The following TRHDE variants were observed in gnomAD, a reference collection of about 807,000 sequenced individuals.
TRHDE encodes the protein thyrotropin releasing hormone degrading enzyme.
TRHDE carries 72 observed loss-of-function variants against 125.7 expected under a neutral mutation model. That is an observed-to-expected ratio of 0.57 (90% CI 0.47 to 0.70). TRHDE has a LOEUF of 0.70. TRHDE is among the 30% of genes least tolerant of loss of function. The probability of loss-of-function intolerance (pLI) is 0.00; values close to 1 mark genes in which losing one functional copy is unlikely to be tolerated. For synonymous variants in TRHDE, 509 were observed against 509.1 expected, an observed-to-expected ratio of 1.00 and a Z score of 0.00; for missense variants, 1,110 against 1,327.1, an observed-to-expected ratio of 0.84 and a Z score of 2.54.
At chr12:72,379,258 T>A (rs1017790177) in intron 3 of TRHDE, among the ~76,000 whole-genome samples, 1 of 152,240 alleles carries the variant, frequency 6.6e-6, no homozygotes, top group Non-Finnish European at 1.5e-5. Context: ...GGGTGTGACA[T>A]ACAATTTTTA....
intron 10 of TRHDE, among the ~76,000 whole-genome samples, chr12:72,574,997 A>G (rs751071576): frequency 6.6e-6 from 1 of 152,148 alleles, no homozygotes; most frequent in Admixed American, 6.6e-5. Context: ...AAAATTATGT[A>G]TAAGTAATGG....
At chr12:72,308,979 CTTTGAG>C (rs146285807) in intron 2 of TRHDE, among the ~76,000 whole-genome samples, 1,821 of 152,080 alleles carry the variant, frequency 0.012, 15 homozygotes, top group Non-Finnish European at 0.017. Context: ...ACTCTTGTCA[CTTTGAG>C]TTTATTTTTT....
chr12:72,530,118 C>T (rs562767672), intron 6 of TRHDE, among the ~76,000 whole-genome samples: 6 of 152,230 alleles, frequency 3.9e-5, no homozygotes, highest in Admixed American at 3.3e-4. Flanking sequence ...ATTCTTCCCT[C>T]TGTAGAATGT....
intron 2 of TRHDE, among the ~76,000 whole-genome samples, chr12:72,315,876 C>T (rs1868776915): frequency 6.6e-6 from 1 of 152,164 alleles, no homozygotes; most frequent in Admixed American, 6.5e-5. Flanking sequence ...ATTGTGTGGC[C>T]TTGGAATTAT....
intron 15 of TRHDE, among the ~76,000 whole-genome samples, chr12:72,627,651 A>G (rs931895731): frequency 2.6e-5 from 4 of 151,914 alleles, no homozygotes; most frequent in African/African-American, 9.7e-5. Flanking sequence ...ACCAGTCTAC[A>G]TATGGGTAAT....
chr12:72,463,293 G>A (rs207473058), intron 3 of TRHDE, among the ~76,000 whole-genome samples: 1 of 152,086 alleles, frequency 6.6e-6, no homozygotes, highest in Non-Finnish European at 1.5e-5. Flanking sequence ...TTTTCCCTCA[G>A]GATTAAGGTT....
At chr12:72,591,876 G>C (rs1043972630) in intron 12 of TRHDE, among the ~76,000 whole-genome samples, 2 of 151,124 alleles carry the variant, frequency 1.3e-5, no homozygotes, top group African/African-American at 4.9e-5. Flanking sequence ...CATTATTTCT[G>C]TATGCAATTG....
At chr12:72,433,126 T>C (rs934474737) in intron 3 of TRHDE, among the ~76,000 whole-genome samples, 2 of 152,200 alleles carry the variant, frequency 1.3e-5, no homozygotes, top group African/African-American at 4.8e-5. Flanking sequence ...TTTAAAGCAA[T>C]CTTTCCTTAC....
At chr12:72,146,636 G>A (rs1876233275) in intron 2 of TRHDE, among the ~76,000 whole-genome samples, 1 of 152,172 alleles carries the variant, frequency 6.6e-6, no homozygotes, top group African/African-American at 2.4e-5. Flanking sequence ...CAGGTGCAGA[G>A]GCCTCGGCAA....
intron 2 of TRHDE, among the ~76,000 whole-genome samples, chr12:72,368,050 A>G (rs904355063): frequency 6.6e-6 from 1 of 152,198 alleles, no homozygotes; most frequent in Non-Finnish European, 1.5e-5. Flanking sequence ...TGGTATAACT[A>G]TACACTGTTT....
chr12:72,408,939 A>G (rs1261640279), intron 3 of TRHDE, among the ~76,000 whole-genome samples: 1 of 152,174 alleles, frequency 6.6e-6, no homozygotes. Context: ...GAGTTCCAGA[A>G]GAGGAGGATA....
At chr12:72,636,799 A>G (rs2136093411) in intron 15 of TRHDE, among the ~76,000 whole-genome samples, 1 of 152,292 alleles carries the variant, frequency 6.6e-6, no homozygotes, top group Admixed American at 6.5e-5. Flanking sequence ...TATATGCTGG[A>G]TTACATTTAT....
At chr12:72,621,321 C>A in intron 14 of TRHDE, 116 bp downstream of exon 14, 1 of 730,446 alleles carries the variant, frequency 1.4e-6, no homozygotes, top group Non-Finnish European at 2.3e-6. Flanking sequence ...CTTCATCTTA[C>A]ATTTCACTTT....
At chr12:72,472,716 G>C (rs1376241396) in intron 4 of TRHDE, among the ~76,000 whole-genome samples, 1 of 152,010 alleles carries the variant, frequency 6.6e-6, no homozygotes, top group Non-Finnish European at 1.5e-5. Context: ...TCCCTTGTAG[G>C]GTCACAAGAA....
chr12:72,273,377 T>C lies in TRHDE; in HGVS notation c.734T>C (p.Phe245Ser). 1 of 1,614,134 alleles carries C rather than the reference T, an allele frequency of 6.2e-7. No individual in the cohort carries two copies. Among genetic ancestry groups the C allele is most frequent in the Non-Finnish European group, 8.5e-7 (1 of 1,180,022 alleles). The change falls in exon 1 of 19, where the codon TTC becomes TCC. Residue 245 changes from phenylalanine (F) to serine (S), a missense_variant. Physicochemically the swap from Phe to Ser is radical, Grantham distance 155. Around this residue, in one of 5 missense-constraint regions of TRHDE, gnomAD observed 72 missense variants for 122.2 expected, o/e 0.59. Coordinates refer to ENST00000261180, the MANE Select transcript of TRHDE (RefSeq NM_013381.3). This position sits in a 1 kb window ranked among gnomAD's most constrained non-coding sequence, Gnocchi z 5.3. ...GTGCAGCTGGCCGAGGACCGGGCGT[T>C]CGGGGCTGTCCCTGTAGCCGGTTTT... Reference protein sequence around the residue: ...EKVQLAEDRAFGAVPVAGFFL... With the variant: ...EKVQLAEDRASGAVPVAGFFL...
At chr12:72,170,881 G>T (rs1235084802) in intron 2 of TRHDE, among the ~76,000 whole-genome samples, 2 of 152,090 alleles carry the variant, frequency 1.3e-5, no homozygotes, top group Non-Finnish European at 2.9e-5. Flanking sequence ...AGAGAATGTA[G>T]GAAAGCAACT....
chr12:72,289,437 C>G (rs995636437), intron 2 of TRHDE, among the ~76,000 whole-genome samples: 1 of 152,098 alleles, frequency 6.6e-6, no homozygotes, highest in African/African-American at 2.4e-5. Context: ...AGCATTCAGA[C>G]TGAATCCAAG....
chr12:72,655,586 A>C (rs1874677572), intron 17 of TRHDE, among the ~76,000 whole-genome samples: 2 of 152,232 alleles, frequency 1.3e-5, no homozygotes, highest in South Asian at 4.1e-4. Context: ...CACTGTGTAT[A>C]ATTTTATCAC....
chr12:72,098,132 C>T (rs2139287131), intron 1 of TRHDE, among the ~76,000 whole-genome samples: 1 of 152,214 alleles, frequency 6.6e-6, no homozygotes, highest in African/African-American at 2.4e-5. Flanking sequence ...ATCCTCCTGC[C>T]TCAGCCTTCC....
Sources: allele counts gnomAD v4.1 joint callset (sites outside exome capture counted in the v4.1 genomes callset), GRCh38; gene constraint gnomAD v4.1.1; regional missense constraint gnomAD v4.1.1; non-coding constraint Gnocchi (gnomAD v3.1); transcripts MANE v1.5; gene names NCBI Gene and HGNC (gene_info 2026-07-23, HGNC 2026-07-21).